The following IGSF5 variants were observed in gnomAD, a reference collection of about 807,000 sequenced individuals.
The protein encoded by IGSF5 is immunoglobulin superfamily 5 like.
In IGSF5, 41 loss-of-function variants were observed where a neutral mutation model predicts 39.4. The ratio of observed to expected loss-of-function variants is 1.04; its 90% confidence interval spans 0.81 to 1.35. The LOEUF is 1.35. Among genes scored for constraint, IGSF5 ranks in the 40% most tolerant of loss-of-function variants. IGSF5 has a pLI of 0.00. For missense variants in IGSF5, 487 were observed against 494.6 expected, an observed-to-expected ratio of 0.98 and a Z score of 0.15; for synonymous variants, 183 against 175.3, an observed-to-expected ratio of 1.04 and a Z score of -0.34.
intron 2 of IGSF5, among the ~76,000 whole-genome samples, chr21:39,750,502 T>C (rs1311735714): frequency 1.0e-5 from 1 of 97,450 alleles, no homozygotes; most frequent in Non-Finnish European, 2.3e-5. Context: ...AGCAAGACAC[T>C]GTCTCCAGAA....
At chr21:39,736,884 C>T in the IGSF5 span, among the ~76,000 whole-genome samples, 3 of 152,184 alleles carry the variant, frequency 2.0e-5, no homozygotes, top group East Asian at 5.8e-4. Flanking sequence ...GCCCTCACAA[C>T]TCCTGGTGCC....
intron 3 of IGSF5, among the ~76,000 whole-genome samples, chr21:39,767,393 T>TGA (rs1391335570): frequency 6.6e-6 from 1 of 152,160 alleles, no homozygotes; most frequent in Admixed American, 6.5e-5. Context: ...GCCAGAGTGG[T>TGA]CTAGTGGTCA....
Position 39,793,625 on chromosome 21 carries a change from C to A in IGSF5, c.1128+12C>A. The A allele has an allele frequency of 6.2e-7, 1 of 1,606,318 alleles. No individual in the cohort carries two copies. Among genetic ancestry groups the A allele is most frequent in the Non-Finnish European group, 8.5e-7 (1 of 1,175,008 alleles). On this transcript the variant is annotated intron_variant, in intron 8 of 8. Coordinates refer to ENST00000380588, the MANE Select transcript of IGSF5 (RefSeq NM_001080444.2). The stretch of plus-strand genomic sequence containing the variant: ...GCCCTCCTCACCAGGTAGTTTAGAC[C>A]ATTTTCCCCCTTTTTGGACTTTTTT...
chr21:39,793,981 C>G (rs960399098), intron 8 of IGSF5, among the ~76,000 whole-genome samples: 1 of 152,192 alleles, frequency 6.6e-6, no homozygotes, highest in African/African-American at 2.4e-5. Context: ...CCATTCTGCT[C>G]TCCTGGTTAC....
At chr21:39,793,067 A>T (rs961576250) in intron 7 of IGSF5, among the ~76,000 whole-genome samples, 1 of 152,076 alleles carries the variant, frequency 6.6e-6, no homozygotes, top group African/African-American at 2.4e-5. Context: ...CATCTTTCAG[A>T]TTGAAAAAAA....
chr21:39,742,226 C>A (rs2079951550), upstream of IGSF5, among the ~76,000 whole-genome samples: 1 of 151,952 alleles, frequency 6.6e-6, no homozygotes, highest in African/African-American at 2.4e-5. Context: ...TTACTAGAAT[C>A]TCTCTCTCTA....
At position 39,759,831 on chromosome 21, in the gene IGSF5, C is replaced by T. The variant is rs143893720; in HGVS notation, c.101-5704C>T. ...ACAGTGAGCCGAGATTGTGACACTG[C>T]CCTCCAGCTTGGGTGACAGAGCAAG... On this transcript the variant is annotated intron_variant, in intron 2 of 8. Transcript: ENST00000380588. Among the ~76,000 whole-genome samples the T allele has an allele frequency of 2.7e-5, 4 of 150,902 alleles. No individual in the cohort carries two copies. The East Asian group carries it at 7.8e-4, about 29-fold the overall frequency.
chr21:39,714,707 G>A, the IGSF5 span, among the ~76,000 whole-genome samples: 1 of 152,200 alleles, frequency 6.6e-6, no homozygotes, highest in African/African-American at 2.4e-5. Flanking sequence ...CTTCTTGTGT[G>A]TGTGTGTCTG....
intron 2 of IGSF5, among the ~76,000 whole-genome samples, chr21:39,756,776 CT>C (rs1314890921): frequency 6.6e-6 from 1 of 151,936 alleles, no homozygotes; most frequent in African/African-American, 2.4e-5. Context: ...TGGGGAGTGT[CT>C]TGGATAAGCC....
intron 2 of IGSF5, among the ~76,000 whole-genome samples, chr21:39,763,374 T>C (rs1452792821): frequency 6.6e-6 from 1 of 152,206 alleles, no homozygotes; most frequent in Non-Finnish European, 1.5e-5. Context: ...TGTTTAGGGT[T>C]GGATGCCTCC....
intron 2 of IGSF5, among the ~76,000 whole-genome samples, chr21:39,749,794 G>T (rs1349265619): frequency 6.6e-6 from 1 of 152,218 alleles, no homozygotes. Context: ...GTGAGAGAGG[G>T]GTAGAGGAAT....
At chr21:39,721,718 C>T in the IGSF5 span, among the ~76,000 whole-genome samples, 1 of 151,154 alleles carries the variant, frequency 6.6e-6, no homozygotes, top group Admixed American at 6.6e-5. Flanking sequence ...TTCCTTCCTT[C>T]CTTCCTTCCA....
intron 5 of IGSF5, among the ~76,000 whole-genome samples, chr21:39,783,705 C>T (rs1408911520): frequency 1.3e-5 from 2 of 152,178 alleles, no homozygotes; most frequent in African/African-American, 4.8e-5. Flanking sequence ...TTTTGCTGTG[C>T]AGAAGCTTTT....
At chr21:39,780,125 T>C (rs779359496) in intron 5 of IGSF5, among the ~76,000 whole-genome samples, 1 of 152,258 alleles carries the variant, frequency 6.6e-6, no homozygotes, top group Non-Finnish European at 1.5e-5. Flanking sequence ...CATTTCACAA[T>C]ATGTACATAG....
intron 3 of IGSF5, among the ~76,000 whole-genome samples, chr21:39,770,505 GAGA>G (rs1471177161): frequency 1.3e-5 from 2 of 152,112 alleles, no homozygotes; most frequent in African/African-American, 4.8e-5. Context: ...TCGTCACAGT[GAGA>G]AGAAGGTGAA....
the IGSF5 span, among the ~76,000 whole-genome samples, chr21:39,712,027 T>A: frequency 3.3e-5 from 5 of 152,154 alleles, no homozygotes; most frequent in Non-Finnish European, 7.4e-5. Flanking sequence ...GGAAGCACAG[T>A]TCTCTAAGTG....
chr21:39,770,275 T>TA (rs75722476), intron 3 of IGSF5, among the ~76,000 whole-genome samples: 118,205 of 151,870 alleles, frequency 0.78, 46,150 homozygotes, highest in East Asian at 0.9. Flanking sequence ...GTGTTCTTAA[T>TA]AAAAAAATAA....
the IGSF5 span, among the ~76,000 whole-genome samples, chr21:39,736,099 G>T: frequency 6.6e-6 from 1 of 150,486 alleles, no homozygotes; most frequent in Admixed American, 6.6e-5. Flanking sequence ...CTTCCTAAGG[G>T]GTCCCAGGCC....
chr21:39,761,391 A>G (rs1292419269), intron 2 of IGSF5, among the ~76,000 whole-genome samples: 2 of 152,372 alleles, frequency 1.3e-5, no homozygotes, highest in South Asian at 2.1e-4. Context: ...AACAAAACCA[A>G]AAATTGACAA....
Sources: allele counts gnomAD v4.1 joint callset (sites outside exome capture counted in the v4.1 genomes callset), GRCh38; gene constraint gnomAD v4.1.1; transcripts MANE v1.5; gene names NCBI Gene and HGNC (gene_info 2026-07-23, HGNC 2026-07-21).